Variants in PEX7 observed in about 807,000 individuals in gnomAD.
PEX7 encodes PTS2 receptor.
In PEX7, 34 loss-of-function variants were observed where a neutral mutation model predicts 47.5. The ratio of observed to expected loss-of-function variants is 0.72; its 90% confidence interval spans 0.54 to 0.95. The LOEUF is 0.95. PEX7 is among the 40% of genes least tolerant of loss of function. The pLI is 0.00. For missense variants in PEX7, 394 were observed against 400.3 expected (o/e 0.98, Z 0.13); for synonymous variants, 141 against 148.8 (o/e 0.95, Z 0.38).
intron 8 of PEX7, among the ~76,000 whole-genome samples, chr6:136,890,193 C>A (rs1019474422): frequency 6.6e-6 from 1 of 152,182 alleles, no homozygotes; most frequent in East Asian, 1.9e-4. Flanking sequence ...CGTAATTATT[C>A]ATCTATTTTC....
At chr6:136,848,052 G>A (rs1265652861) in intron 5 of PEX7, among the ~76,000 whole-genome samples, 1 of 152,036 alleles carries the variant, frequency 6.6e-6, no homozygotes, top group East Asian at 1.9e-4. Flanking sequence ...CCTTGAAGAG[G>A]TCCTTCACAT....
intron 8 of PEX7, among the ~76,000 whole-genome samples, chr6:136,891,868 C>T (rs1447918150): frequency 6.6e-6 from 1 of 152,168 alleles, no homozygotes; most frequent in Non-Finnish European, 1.5e-5. Context: ...TGGGCTTGAA[C>T]TCCTGGCCTT....
chr6:136,860,803 T>C (rs1022372114), intron 5 of PEX7, among the ~76,000 whole-genome samples: 2 of 152,210 alleles, frequency 1.3e-5, no homozygotes, highest in Non-Finnish European at 2.9e-5. Context: ...TGGTGAATTC[T>C]CACAATGAAC....
chr6:136,885,836 G>C (rs941497385), intron 8 of PEX7, among the ~76,000 whole-genome samples: 2 of 152,118 alleles, frequency 1.3e-5, no homozygotes, highest in African/African-American at 4.8e-5. Context: ...ACAGACTTTG[G>C]AGCCAGACTG....
intron 5 of PEX7, among the ~76,000 whole-genome samples, chr6:136,856,499 A>C (rs1774865034): frequency 6.6e-6 from 1 of 152,072 alleles, no homozygotes; most frequent in Non-Finnish European, 1.5e-5. Flanking sequence ...TCCAACACCT[A>C]CCTCTTTTCT....
chr6:136,913,843 G>T lies in PEX7; in HGVS notation c.*317G>T. On this transcript the variant is annotated 3_prime_UTR_variant, in exon 10 of 10. Coordinates refer to ENST00000318471, the MANE Select transcript of PEX7 (RefSeq NM_000288.4). ...TCAGTAGGTTATACTTATATAGATA[G>T]TGATATATTTCATTTTTAATTTGTC... 4.1e-6 allele frequency: 1 copy of T among 243,066 alleles called. No homozygotes were observed. Among genetic ancestry groups the T allele is most frequent in the South Asian group, 7.4e-5 (1 of 13,476 alleles). 15.1% of individuals were successfully genotyped at this position (243,066 alleles called of 1,614,324 possible). A position where few individuals can be genotyped will look rare whatever the true frequency, so the allele number is the denominator to read the frequency against.
At chr6:136,895,511 AG>A (rs1048794516) in intron 8 of PEX7, among the ~76,000 whole-genome samples, 1 of 152,152 alleles carries the variant, frequency 6.6e-6, no homozygotes, top group African/African-American at 2.4e-5. Context: ...TCAAGGCAAA[AG>A]CTGGCTTCAT....
At chr6:136,860,447 T>A (rs1774938580) in intron 5 of PEX7, among the ~76,000 whole-genome samples, 1 of 137,102 alleles carries the variant, frequency 7.3e-6, no homozygotes, top group Admixed American at 7.7e-5. Context: ...TGCATGAAAG[T>A]GGTGGTGTGA....
chr6:136,880,948 T>C (rs528054203), intron 8 of PEX7, among the ~76,000 whole-genome samples: 28 of 152,266 alleles, frequency 1.8e-4, no homozygotes, highest in African/African-American at 6.5e-4. Flanking sequence ...TTTTTAGTAT[T>C]CCATATAAAA....
At chr6:136,896,650 C>G (rs1439633178) in intron 8 of PEX7, among the ~76,000 whole-genome samples, 1 of 152,180 alleles carries the variant, frequency 6.6e-6, no homozygotes, top group Admixed American at 6.5e-5. Context: ...GTACCAATCT[C>G]ATTGCAGATG....
chr6:136,841,391 C>G (rs1338581660), intron 3 of PEX7, among the ~76,000 whole-genome samples: 1 of 152,188 alleles, frequency 6.6e-6, no homozygotes, highest in African/African-American at 2.4e-5. Flanking sequence ...GTGTTCACTA[C>G]CCCCGATCCC....
intron 9 of PEX7, among the ~76,000 whole-genome samples, chr6:136,904,449 T>G (rs747235237): frequency 3.9e-5 from 6 of 152,150 alleles, no homozygotes; most frequent in Admixed American, 3.3e-4. Flanking sequence ...TGATATAGTT[T>G]GGCTGTGTCC....
intron 3 of PEX7, among the ~76,000 whole-genome samples, chr6:136,828,047 A>G (rs187869164): frequency 6.6e-6 from 1 of 150,712 alleles, no homozygotes; most frequent in East Asian, 1.9e-4. Flanking sequence ...TTTATTATCT[A>G]TATAAATTCA....
chr6:136,862,944 C>T (rs1051347341), intron 5 of PEX7, among the ~76,000 whole-genome samples: 2 of 152,088 alleles, frequency 1.3e-5, no homozygotes, highest in Non-Finnish European at 2.9e-5. Flanking sequence ...TGGACATCCA[C>T]GTCACCCTGC....
At chr6:136,856,369 T>C (rs1239844228) in intron 5 of PEX7, among the ~76,000 whole-genome samples, 1 of 151,416 alleles carries the variant, frequency 6.6e-6, no homozygotes, top group Non-Finnish European at 1.5e-5. Context: ...CTCACATAAG[T>C]GAAAAGTTCA....
intron 1 of PEX7, 55 bp downstream of exon 1, chr6:136,822,850 GCC>G (rs1774106096): frequency 1.1e-5 from 14 of 1,233,680 alleles, no homozygotes; most frequent in East Asian, 3.4e-5. Flanking sequence ...GCGGGGGCCA[GCC>G]GGGCTCCAGT....
At chr6:136,904,086 G>A (rs1775799794) in intron 9 of PEX7, among the ~76,000 whole-genome samples, 1 of 152,172 alleles carries the variant, frequency 6.6e-6, no homozygotes, top group Non-Finnish European at 1.5e-5. Context: ...TCTTTAATGA[G>A]TTTAGAAAAT....
intron 8 of PEX7, among the ~76,000 whole-genome samples, chr6:136,881,983 A>G (rs1775382789): frequency 6.6e-6 from 1 of 152,216 alleles, no homozygotes; most frequent in South Asian, 2.1e-4. Context: ...TAAGTTAAAC[A>G]GAAAGTTAAG....
Position 136,902,763 on chromosome 6 carries a change from A to G in PEX7, c.903+4522A>G, listed in dbSNP as rs1411048500. 2.6e-5 allele frequency among the ~76,000 whole-genome samples: 4 copies of G among 152,284 alleles called. No individual in the cohort carries two copies. The East Asian group carries it at 7.7e-4, about 29-fold the overall frequency. ...TAGAATTCCTGACTTTGTGTTCTGCAGTATCAATTCTGCTCTTCCAAATGC... is the reference window on the plus strand; with the variant it reads ...TAGAATTCCTGACTTTGTGTTCTGCGGTATCAATTCTGCTCTTCCAAATGC... On this transcript the variant is annotated intron_variant, in intron 9 of 9. Transcript: ENST00000318471.
Sources: gnomAD v4.1 joint callset for allele counts (sites outside exome capture counted in the v4.1 genomes callset) on GRCh38, gnomAD v4.1.1 for gene constraint, MANE v1.5 for transcripts, NCBI Gene and HGNC (gene_info 2026-07-23, HGNC 2026-07-21) for gene names.